Variants in ADAM10 observed in about 807,000 individuals in gnomAD.
The protein encoded by ADAM10 is disintegrin and metalloproteinase domain-containing protein 10.
A neutral mutation model predicts 90.1 loss-of-function variants in ADAM10; 17 were observed. The observed-to-expected ratio is 0.19, with a 90% CI of 0.13 to 0.28. The LOEUF (loss-of-function observed/expected upper bound fraction) is 0.28, where lower values mean the gene tolerates loss of function less well. Ranked by LOEUF, ADAM10 falls within the 10% of genes least tolerant of loss-of-function variation. The probability of loss-of-function intolerance (pLI) is 1.00; values close to 1 mark genes in which losing one functional copy is unlikely to be tolerated. For synonymous variants in ADAM10, 310 were observed against 298.6 expected (o/e 1.04, Z -0.40); for missense variants, 610 against 914.3 (o/e 0.67, Z 4.29).
rs534119054 is a variant in ADAM10, at chr15:58,593,314, C to T, written c.*4233G>A. 1 of 151,798 alleles carries T rather than the reference C, an allele frequency of 6.6e-6. No individual in the cohort carries two copies. The highest frequency in any genetic ancestry group is 1.5e-5 in the Non-Finnish European group (1 of 67,970). The allele number at this position is 151,798 out of a possible 1,614,324, so 9.4% of individuals were successfully genotyped here. ...CCTGCCTCTGCCTCCCGGGTTCAAG[C>T]AAATCTCCTGCCTCTGCCTCCCGAG... is the stretch of plus-strand genomic sequence containing the variant. On this transcript the variant is annotated 3_prime_UTR_variant, in exon 16 of 16. Transcript: ENST00000260408.
chr15:58,615,466 T>C (rs1254822057), intron 11 of ADAM10, among the ~76,000 whole-genome samples: 1 of 152,174 alleles, frequency 6.6e-6, no homozygotes, highest in African/African-American at 2.4e-5. Flanking sequence ...ATTCATTTAT[T>C]TGTAGAAATG....
intron 13 of ADAM10, 84 bp downstream of exon 13, chr15:58,610,915 T>G: frequency 1.9e-6 from 2 of 1,031,098 alleles, no homozygotes. Context: ...GGCCAAACTG[T>G]AGGTCAAAGT....
intron 14 of ADAM10, among the ~76,000 whole-genome samples, chr15:58,601,984 A>G (rs1479296183): frequency 3.3e-5 from 5 of 152,180 alleles, no homozygotes; most frequent in African/African-American, 9.7e-5. Flanking sequence ...TAACTTGATC[A>G]CTGGATTAAG....
At chr15:58,688,964 C>T (rs923483857) in intron 2 of ADAM10, among the ~76,000 whole-genome samples, 8 of 145,060 alleles carry the variant, frequency 5.5e-5, no homozygotes, top group South Asian at 2.2e-4. Flanking sequence ...AATAAAGAAG[C>T]GAGAGGAGAC....
intron 2 of ADAM10, among the ~76,000 whole-genome samples, chr15:58,695,339 C>T (rs926446015): frequency 8.5e-5 from 13 of 152,322 alleles, no homozygotes; most frequent in Non-Finnish European, 1.8e-4. Flanking sequence ...AGTATCCTGC[C>T]TCAACTTTTG....
intron 2 of ADAM10, among the ~76,000 whole-genome samples, chr15:58,714,841 A>G (rs1380792832): frequency 1.3e-5 from 2 of 152,286 alleles, no homozygotes; most frequent in Middle Eastern, 3.4e-3. Flanking sequence ...AATATTTGTT[A>G]GACGATAGAA....
In ADAM10 at chr15:58,640,923, G is replaced by A. The variant is rs1410665267; in HGVS notation, c.866C>T (p.Pro289Leu). The A allele has an allele frequency of 6.2e-7, 1 of 1,613,956 alleles. No homozygotes were observed. The highest frequency in any genetic ancestry group is 1.3e-5 in the African/African-American group (1 of 74,896). The change falls in exon 8 of 16, where the codon CCT (proline) becomes CTT (leucine). Residue 289 changes from proline to leucine, a missense_variant. By Grantham distance (98) the Pro-to-Leu change is moderately conservative. Transcript: ENST00000260408. ...TTADEKDPTNPFRFPNIGVEK... is the reference protein window; with the variant it reads ...TTADEKDPTNLFRFPNIGVEK... Reference sequence around the variant, plus strand: ...CACACCAATATTTGGGAAACGGAAAGGATTTGTAGGGTCCTTCTCATCAGC... The same window carrying A: ...CACACCAATATTTGGGAAACGGAAAAGATTTGTAGGGTCCTTCTCATCAGC...
intron 1 of ADAM10, among the ~76,000 whole-genome samples, chr15:58,721,209 ACATACTATT>A (rs1371015332): frequency 2.6e-5 from 4 of 152,244 alleles, no homozygotes; most frequent in Admixed American, 2.6e-4. Flanking sequence ...TATAAAAGCA[ACATACTATT>A]CACTTTCACT....
chr15:58,679,324 C>G (rs767765826), intron 3 of ADAM10, 42 bp from the exon 4 acceptor site: 1 of 1,581,042 alleles, frequency 6.3e-7, no homozygotes, highest in Non-Finnish European at 8.7e-7. Context: ...TTAATTTGCA[C>G]ATGAATGTTA....
intron 2 of ADAM10, among the ~76,000 whole-genome samples, chr15:58,706,494 A>G (rs1194091559): frequency 6.6e-6 from 1 of 152,244 alleles, no homozygotes; most frequent in Non-Finnish European, 1.5e-5. Context: ...TAAGTTGCCA[A>G]TATTAACAAC....
chr15:58,705,155 T>C (rs1435542913), intron 2 of ADAM10, among the ~76,000 whole-genome samples: 1 of 152,238 alleles, frequency 6.6e-6, no homozygotes, highest in Non-Finnish European at 1.5e-5. Flanking sequence ...CTCTGTCCAC[T>C]ACTATGTTTC....
intron 1 of ADAM10, chr15:58,747,345 T>C (rs1380816783): frequency 6.6e-6 from 1 of 152,128 alleles, no homozygotes; most frequent in African/African-American, 2.4e-5. Context: ...GACTGACAAA[T>C]TGGGGAGGTG....
At chr15:58,732,031 AAAG>A (rs567745561) in intron 1 of ADAM10, among the ~76,000 whole-genome samples, 1 of 152,184 alleles carries the variant, frequency 6.6e-6, no homozygotes, top group South Asian at 2.1e-4. Flanking sequence ...CCTACATGTC[AAAG>A]AAGGTTTTCA....
chr15:58,666,882 A>G (rs889042143), intron 4 of ADAM10, among the ~76,000 whole-genome samples: 6 of 152,184 alleles, frequency 3.9e-5, no homozygotes, highest in African/African-American at 1.4e-4. Context: ...CTGTCAGCAC[A>G]AAACTCTCCC....
intron 1 of ADAM10, chr15:58,748,379 T>C (rs1397775033): frequency 6.6e-6 from 1 of 152,256 alleles, no homozygotes; most frequent in Non-Finnish European, 1.5e-5. Flanking sequence ...TTTTCAATCG[T>C]TGCTTTTAGG....
chr15:58,691,256 C>T (rs1384630384), intron 2 of ADAM10: 4 of 1,052,950 alleles, frequency 3.8e-6, no homozygotes, highest in Non-Finnish European at 4.4e-6. Flanking sequence ...TCTTCTCCTC[C>T]TCATCCTCAG....
At chr15:58,610,624 T>C in intron 13 of ADAM10, 107 bp from the exon 14 acceptor site, 2 of 1,058,142 alleles carry the variant, frequency 1.9e-6, no homozygotes, top group Admixed American at 4.0e-5. Context: ...CTGAAATCAT[T>C]ACCATAACAT....
chr15:58,660,258 A>G (rs971546737), intron 5 of ADAM10, among the ~76,000 whole-genome samples: 1 of 152,080 alleles, frequency 6.6e-6, no homozygotes, highest in Non-Finnish European at 1.5e-5. Context: ...GGTGCAATCA[A>G]TCATGGCTCA....
At chr15:58,690,616 C>G (rs1401126374) in intron 2 of ADAM10, among the ~76,000 whole-genome samples, 6 of 152,028 alleles carry the variant, frequency 3.9e-5, no homozygotes, top group African/African-American at 1.2e-4. Context: ...GACACAAGGA[C>G]AGAAGAGAAA....
Sources: gnomAD v4.1 joint callset for allele counts (sites outside exome capture counted in the v4.1 genomes callset) on GRCh38, gnomAD v4.1.1 for gene constraint, MANE v1.5 for transcripts, NCBI Gene and HGNC (gene_info 2026-07-23, HGNC 2026-07-21) for gene names.